Variants in ZNF280D observed in about 807,000 individuals in gnomAD.
The protein encoded by ZNF280D is zinc finger protein 280D.
Under a neutral mutation model 94.7 loss-of-function variants are expected in ZNF280D, and 39 were observed. That is an observed-to-expected ratio of 0.41 (90% confidence interval 0.32 to 0.54). ZNF280D has a LOEUF of 0.54. ZNF280D is among the 20% of genes least tolerant of loss of function. The pLI is 0.22. For synonymous variants in ZNF280D, 398 were observed against 377.6 expected, an observed-to-expected ratio of 1.05 and a Z score of -0.63; for missense variants, 1,090 against 1,149.3, an observed-to-expected ratio of 0.95 and a Z score of 0.75.
chr15:56,645,408 G>A (rs1801419465), intron 19 of ZNF280D: 1 of 152,172 alleles, frequency 6.6e-6, no homozygotes, highest in African/African-American at 2.4e-5. Flanking sequence ...AAGATTGCAA[G>A]AAATAACTTT....
At chr15:56,688,957 T>C in intron 9 of ZNF280D, 84 bp downstream of exon 9, 2 of 798,706 alleles carry the variant, frequency 2.5e-6, no homozygotes, top group Non-Finnish European at 3.9e-6. Context: ...AGATTATTTC[T>C]GGACAAACCA....
rs1191023710 is a variant in ZNF280D at position 56,689,074 on chromosome 15, G to A, written c.747C>T (p.Phe249=). The A allele has an allele frequency of 2.1e-5, 34 of 1,608,880 alleles. No individual in the cohort carries two copies. The highest frequency in any genetic ancestry group is 2.8e-5 in the Non-Finnish European group (33 of 1,178,162). ...PRACPKCNIH[F]NLLDPLKNHM... ...GATTTTTCAAAGGATCCAAAAGATTGAAATGAATGTTGCACTTTGGACAAG... is the reference window on the plus strand; with the variant it reads ...GATTTTTCAAAGGATCCAAAAGATTAAAATGAATGTTGCACTTTGGACAAG... Residue 249 remains phenylalanine (F), a synonymous_variant, in exon 9 of 22, where the codon TTC becomes TTT. Transcript: ENST00000267807.
chr15:56,690,549 TTTTA>T (rs1481514138), intron 7 of ZNF280D, among the ~76,000 whole-genome samples: 1 of 152,202 alleles, frequency 6.6e-6, no homozygotes, highest in Non-Finnish European at 1.5e-5. Context: ...CTCTTTTTTC[TTTTA>T]TTTAAATTTT....
At chr15:56,720,115 T>C (rs2058274904) in intron 1 of ZNF280D, among the ~76,000 whole-genome samples, 1 of 152,204 alleles carries the variant, frequency 6.6e-6, no homozygotes, top group African/African-American at 2.4e-5. Context: ...CATACGATGC[T>C]GTTTGATAGC....
At chr15:56,662,801 G>A (rs910443371) in intron 16 of ZNF280D, among the ~76,000 whole-genome samples, 21 of 147,818 alleles carry the variant, frequency 1.4e-4, no homozygotes, top group African/African-American at 1.5e-4. Context: ...TCTAGCCTGG[G>A]TGACAGGTGA....
intron 6 of ZNF280D, among the ~76,000 whole-genome samples, chr15:56,694,835 A>G (rs1175457935): frequency 1.3e-5 from 2 of 152,206 alleles, no homozygotes; most frequent in African/African-American, 4.8e-5. Flanking sequence ...TAAAGTCTAT[A>G]GTTGGGTTAA....
intron 14 of ZNF280D, among the ~76,000 whole-genome samples, chr15:56,667,195 A>C (rs1435389379): frequency 6.6e-6 from 1 of 152,200 alleles, no homozygotes; most frequent in Non-Finnish European, 1.5e-5. Flanking sequence ...TTTTGTATTG[A>C]TATCAGTTAT....
At chr15:56,720,237 A>G (rs1481300909) in intron 1 of ZNF280D, among the ~76,000 whole-genome samples, 1 of 152,224 alleles carries the variant, frequency 6.6e-6, no homozygotes, top group African/African-American at 2.4e-5. Context: ...TGTCATTTCA[A>G]CAATGTTTAC....
intron 17 of ZNF280D, among the ~76,000 whole-genome samples, chr15:56,657,222 C>A (rs2053607345): frequency 6.6e-6 from 1 of 151,902 alleles, no homozygotes. Flanking sequence ...TGTGGTATAA[C>A]CAAAGATAAC....
intron 1 of ZNF280D, among the ~76,000 whole-genome samples, chr15:56,725,842 G>C (rs560211399): frequency 2.6e-5 from 4 of 151,418 alleles, no homozygotes; most frequent in African/African-American, 4.9e-5. Flanking sequence ...AGTATTTATC[G>C]AACATTAATT....
At chr15:56,721,795 A>C (rs1230561959) in intron 1 of ZNF280D, among the ~76,000 whole-genome samples, 4 of 152,150 alleles carry the variant, frequency 2.6e-5, no homozygotes, top group Non-Finnish European at 5.9e-5. Flanking sequence ...CTTAGCGATA[A>C]TGCTGTTCCA....
rs77349546 is a variant in ZNF280D, at chr15:56,676,667, C to T, written c.1410+3G>A. On this transcript the variant is annotated splice_donor_region_variant and intron_variant, in intron 13 of 21. Transcript: ENST00000267807. Reference sequence around the variant, plus strand: ...TAAACAAATAAGAACTGGTAAATCTCACCTGATGCTTCATATAATGATGCA... The same window carrying T: ...TAAACAAATAAGAACTGGTAAATCTTACCTGATGCTTCATATAATGATGCA... 10,026 of 1,598,298 alleles carry T rather than the reference C, an allele frequency of 6.3e-3. 600 individuals carry two copies. The East Asian group carries it at 0.14, about 22-fold the overall frequency.
rs140621085 is a variant in ZNF280D, at chr15:56,714,691, T to C, written c.-85-7385A>G. ...AACTTATACAAAAAACTTCATTCTC[T>C]GAAGGTAACTTATCAAAGAATTAGC... On this transcript the variant is annotated intron_variant, in intron 1 of 21. Transcript: ENST00000267807. Among the ~76,000 whole-genome samples the C allele has an allele frequency of 2.3e-3, 356 of 152,254 alleles. 2 individuals carry two copies. Among genetic ancestry groups the C allele is most frequent in the African/African-American group, 8.1e-3 (337 of 41,560 alleles).
At chr15:56,684,152 C>G (rs2055833639) in intron 9 of ZNF280D, among the ~76,000 whole-genome samples, 1 of 152,124 alleles carries the variant, frequency 6.6e-6, no homozygotes, top group Non-Finnish European at 1.5e-5. Flanking sequence ...TTGCAGGAAG[C>G]CTTCTGCCCA....
At chr15:56,652,784 TTAA>T (rs2053284199) in intron 19 of ZNF280D, 3 of 984,972 alleles carry the variant, frequency 3.0e-6, no homozygotes, top group Non-Finnish European at 3.6e-6. Context: ...TAAGGTAATA[TTAA>T]TAATAATCCC....
intron 13 of ZNF280D, among the ~76,000 whole-genome samples, chr15:56,675,546 G>C (rs1218392556): frequency 6.6e-6 from 1 of 151,790 alleles, no homozygotes. Flanking sequence ...TGGGAGACTT[G>C]AGAGATTTAC....
chr15:56,636,367 T>G lies in ZNF280D; in HGVS notation c.2260-1117A>C, dbSNP rs190132102. 3.9e-5 allele frequency among the ~76,000 whole-genome samples: 6 copies of G among 152,056 alleles called. No homozygotes were observed. In the East Asian group the frequency reaches 1.2e-3, roughly 29 times the overall value. ...GGTGGTCAGTCTACTATTTAGTACA[T>G]AAAAAGTAAAAACAAAGCATTGCTG... On this transcript the variant is annotated intron_variant, in intron 20 of 21. Transcript: ENST00000267807.
rs2053691609 is a variant in ZNF280D, at chr15:56,658,467, T to C, written c.2014A>G (p.Ser672Gly). ...HMMSFHSNRP[S>G]KRFCIFKKHS... The stretch of plus-strand genomic sequence containing the variant: ...TTCTTAAAAATACAAAACCTTTTGC[T>C]TGGACGGTTACTATGAAAGCTGGAG... The change falls in exon 17 of 22, where the codon AGC (serine) becomes GGC (glycine). Residue 672 changes from serine (S) to glycine (G), a missense_variant. Physicochemically the swap from Ser to Gly is moderately conservative, Grantham distance 56 (BLOSUM62 0). Transcript: ENST00000267807. The C allele has an allele frequency of 6.3e-7, 1 of 1,583,638 alleles. No individual in the cohort carries two copies. Among genetic ancestry groups the C allele is most frequent in the Admixed American group, 1.9e-5 (1 of 53,554 alleles).
At chr15:56,701,975 C>A (rs908253128) in intron 4 of ZNF280D, among the ~76,000 whole-genome samples, 10 of 134,972 alleles carry the variant, frequency 7.4e-5, no homozygotes, top group Non-Finnish European at 1.4e-4. Context: ...AGTTTGGAAG[C>A]ATGAGGATTT....
Sources: gnomAD v4.1 joint callset for allele counts (sites outside exome capture counted in the v4.1 genomes callset) on GRCh38, gnomAD v4.1.1 for gene constraint, MANE v1.5 for transcripts, NCBI Gene and HGNC (gene_info 2026-07-23, HGNC 2026-07-21) for gene names.